GPHN: variants seen among roughly 807,000 people sequenced by gnomAD.
GPHN encodes gephyrin.
GPHN carries 17 observed loss-of-function variants against 95.5 expected under a neutral mutation model. The ratio of observed to expected loss-of-function variants is 0.18; its 90% CI spans 0.12 to 0.27. The LOEUF (loss-of-function observed/expected upper bound fraction) is 0.27. Ranked by LOEUF, GPHN falls within the 10% of genes least tolerant of loss-of-function variation. The pLI is 1.00. For synonymous variants in GPHN, 320 were observed against 322.5 expected, an observed-to-expected ratio of 0.99 and a Z score of 0.08; for missense variants, 660 against 978.1, an observed-to-expected ratio of 0.67 and a Z score of 4.34.
At chr14:67,728,703 T>TTGGGG in the GPHN span, among the ~76,000 whole-genome samples, 21 of 142,156 alleles carry the variant, frequency 1.5e-4, no homozygotes, top group African/African-American at 5.3e-4. Context: ...GGATATCTTG[T>TTGGGG]GGGGGGGGGG....
At chr14:67,245,413 G>A in the GPHN span, among the ~76,000 whole-genome samples, 1 of 152,070 alleles carries the variant, frequency 6.6e-6, no homozygotes, top group South Asian at 2.1e-4. Context: ...ATCTTTTCAT[G>A]TGCTTATTTG....
At chr14:67,567,542 C>T in the GPHN span, among the ~76,000 whole-genome samples, 43 of 152,230 alleles carry the variant, frequency 2.8e-4, 1 homozygote, top group Middle Eastern at 3.4e-3. Context: ...ATCTGCCCTA[C>T]ACGAGCACAG....
the GPHN span, among the ~76,000 whole-genome samples, chr14:67,291,186 A>G: frequency 1.3e-5 from 2 of 152,086 alleles, no homozygotes; most frequent in Non-Finnish European, 2.9e-5. Flanking sequence ...GTGCGTGTGC[A>G]TGTACACTCA....
At chr14:67,633,970 A>G in the GPHN span, among the ~76,000 whole-genome samples, 1 of 152,162 alleles carries the variant, frequency 6.6e-6, no homozygotes, top group Non-Finnish European at 1.5e-5. Flanking sequence ...AGCAATTAGC[A>G]CTGGGCTGGG....
chr14:66,898,199 T>G (rs1280935003), intron 5 of GPHN, among the ~76,000 whole-genome samples: 1 of 152,004 alleles, frequency 6.6e-6, no homozygotes, highest in Non-Finnish European at 1.5e-5. Flanking sequence ...GCAAAACTAC[T>G]TAATTTCCAT....
At chr14:67,574,467 G>A in the GPHN span, 1 of 1,311,716 alleles carries the variant, frequency 7.6e-7, no homozygotes, top group Non-Finnish European at 1.0e-6. The surrounding 1 kb of genome is among the most constrained non-coding windows in gnomAD (Gnocchi z 4.2). Flanking sequence ...GCCAGGATTG[G>A]GGTGCCGAGG....
intron 1 of GPHN, among the ~76,000 whole-genome samples, chr14:66,661,819 A>C: frequency 6.6e-6 from 1 of 151,776 alleles, no homozygotes; most frequent in East Asian, 2.0e-4. Context: ...GCAACTCAGC[A>C]TTCTGTCCTG....
chr14:66,577,999 A>T (rs1390624460), intron 1 of GPHN, among the ~76,000 whole-genome samples: 1 of 151,866 alleles, frequency 6.6e-6, no homozygotes, highest in African/African-American at 2.4e-5. Flanking sequence ...TGAATCTCTG[A>T]CTCATTTCTC....
chr14:67,135,511 T>G (rs533821334), intron 17 of GPHN, among the ~76,000 whole-genome samples: 1 of 152,320 alleles, frequency 6.6e-6, no homozygotes, highest in South Asian at 2.1e-4. Context: ...TATGTTGATG[T>G]TAATTTACTA....
intron 8 of GPHN, among the ~76,000 whole-genome samples, chr14:66,938,374 A>G (rs559320238): frequency 6.6e-6 from 1 of 152,324 alleles, no homozygotes; most frequent in African/African-American, 2.4e-5. Context: ...TCATGTATCC[A>G]GAAAATAGAA....
At chr14:67,055,466 A>G (rs984723626) in intron 10 of GPHN, among the ~76,000 whole-genome samples, 2 of 151,970 alleles carry the variant, frequency 1.3e-5, no homozygotes, top group Non-Finnish European at 2.9e-5. Flanking sequence ...CACTGTTGGT[A>G]GTTCAACCAT....
intron 9 of GPHN, among the ~76,000 whole-genome samples, chr14:66,987,549 A>G (rs1232905712): frequency 6.6e-6 from 1 of 152,108 alleles, no homozygotes; most frequent in Admixed American, 6.6e-5. Flanking sequence ...GTTTATATTA[A>G]TATGGATGCA....
chr14:67,205,141 T>G, the GPHN span: 2 of 1,467,488 alleles, frequency 1.4e-6, no homozygotes, highest in Non-Finnish European at 1.8e-6. Flanking sequence ...CTAGAGGGGT[T>G]ACCGAGATCA....
chr14:66,977,057 T>A (rs1243463242), intron 9 of GPHN, among the ~76,000 whole-genome samples: 2 of 152,164 alleles, frequency 1.3e-5, no homozygotes, highest in Non-Finnish European at 2.9e-5. Flanking sequence ...CTTTTCAGAC[T>A]AATAGGAATA....
intron 2 of GPHN, among the ~76,000 whole-genome samples, chr14:66,769,112 G>A (rs1016699420): frequency 6.6e-6 from 1 of 151,944 alleles, no homozygotes; most frequent in Non-Finnish European, 1.5e-5. Context: ...ACATGAGGCT[G>A]AAGAGGTATG....
the GPHN span, among the ~76,000 whole-genome samples, chr14:67,240,912 A>AG: frequency 3.3e-5 from 5 of 152,274 alleles, no homozygotes; most frequent in Non-Finnish European, 7.3e-5. Context: ...TTTAAAAAAA[A>AG]CAAATGTTAG....
At chr14:66,915,619 C>T (rs572470427) in intron 5 of GPHN, among the ~76,000 whole-genome samples, 2 of 152,226 alleles carry the variant, frequency 1.3e-5, no homozygotes, top group African/African-American at 4.8e-5. Context: ...ATCTTAAGTG[C>T]TTTTTGTGTT....
At chr14:67,463,620 CAG>C in the GPHN span, among the ~76,000 whole-genome samples, 1 of 113,976 alleles carries the variant, frequency 8.8e-6, no homozygotes, top group Non-Finnish European at 1.6e-5. Flanking sequence ...GCCTGGGAGA[CAG>C]AGTGAGACTC....
the GPHN span, among the ~76,000 whole-genome samples, chr14:67,697,457 A>G: frequency 6.6e-6 from 1 of 152,256 alleles, no homozygotes; most frequent in Non-Finnish European, 1.5e-5. Flanking sequence ...GTCTAGGGAG[A>G]AGGGAGAGTG....
Sources: gnomAD v4.1 joint callset for allele counts (sites outside exome capture counted in the v4.1 genomes callset) on GRCh38, gnomAD v4.1.1 for gene constraint, Gnocchi (gnomAD v3.1) non-coding constraint, MANE v1.5 for transcripts, NCBI Gene and HGNC (gene_info 2026-07-23, HGNC 2026-07-21) for gene names.